The following ABCG2 variants were observed in gnomAD, a reference collection of about 807,000 sequenced individuals.
ABCG2 encodes the protein ATP binding cassette subfamily G member 2 (JR blood group), also known as broad substrate specificity ATP-binding cassette transporter ABCG2.
Under a neutral mutation model 73.5 loss-of-function variants are expected in ABCG2, and 80 were observed. That is an observed-to-expected ratio of 1.09 (90% confidence interval 0.91 to 1.31). The LOEUF (loss-of-function observed/expected upper bound fraction) is 1.31, where lower values mean the gene tolerates loss of function less well. Ranked by LOEUF, ABCG2 falls within the 50% of genes most tolerant of loss-of-function variation. ABCG2 has a pLI of 0.00. For synonymous variants in ABCG2, 269 were observed against 282.4 expected (o/e 0.95, Z 0.48); for missense variants, 796 against 786.2 (o/e 1.01, Z -0.15).
intron 1 of ABCG2, among the ~76,000 whole-genome samples, chr4:88,213,768 C>T (rs1002745599): frequency 2.0e-5 from 3 of 151,180 alleles, no homozygotes; most frequent in Non-Finnish European, 2.9e-5. Flanking sequence ...CTTCAACCTC[C>T]GCCTCCCGGA....
chr4:88,094,357 T>C (rs1281303284), intron 15 of ABCG2, among the ~76,000 whole-genome samples: 1 of 151,842 alleles, frequency 6.6e-6, no homozygotes, highest in Admixed American at 6.6e-5. Context: ...GTAAGAAACA[T>C]TGCTGCATGT....
At chr4:88,149,006 A>G (rs1328086718) in intron 1 of ABCG2, among the ~76,000 whole-genome samples, 1 of 152,192 alleles carries the variant, frequency 6.6e-6, no homozygotes, top group Non-Finnish European at 1.5e-5. Flanking sequence ...TTTTTCATTT[A>G]CATTCCCACA....
intron 5 of ABCG2, among the ~76,000 whole-genome samples, chr4:88,125,628 A>AAAAAC (rs1411406008): frequency 7.3e-5 from 11 of 149,760 alleles, no homozygotes; most frequent in Non-Finnish European, 1.3e-4. Flanking sequence ...AAAAAAAAAA[A>AAAAAC]AAAAAAAACT....
At chr4:88,117,076 C>A (rs1273335889) in intron 7 of ABCG2, among the ~76,000 whole-genome samples, 1 of 152,048 alleles carries the variant, frequency 6.6e-6, no homozygotes, top group East Asian at 1.9e-4. Flanking sequence ...ACCTGTAATC[C>A]CAACACTTTG....
At chr4:88,201,249 A>G (rs1423931629) in intron 1 of ABCG2, among the ~76,000 whole-genome samples, 1 of 151,438 alleles carries the variant, frequency 6.6e-6, no homozygotes, top group Non-Finnish European at 1.5e-5. Flanking sequence ...AATCACTAAT[A>G]TCAGAAATAA....
At chr4:88,177,163 G>C (rs1728025919) in intron 1 of ABCG2, among the ~76,000 whole-genome samples, 2 of 152,106 alleles carry the variant, frequency 1.3e-5, no homozygotes, top group Non-Finnish European at 2.9e-5. Flanking sequence ...GCAAGGTCAG[G>C]AGATCGAGAC....
At chr4:88,127,470 T>C (rs1724510970) in intron 5 of ABCG2, among the ~76,000 whole-genome samples, 1 of 151,964 alleles carries the variant, frequency 6.6e-6, no homozygotes, top group Admixed American at 6.6e-5. Flanking sequence ...GCCAAGACAA[T>C]CCTATGCAAA....
intron 1 of ABCG2, among the ~76,000 whole-genome samples, chr4:88,211,358 G>GCCCCCCCCCCCC (rs1264405228): frequency 1.5e-4 from 5 of 33,648 alleles, no homozygotes; most frequent in Non-Finnish European, 2.2e-4. Flanking sequence ...TTCAACCCCT[G>GCCCCCCCCCCCC]CCCCACCCCC....
intron 1 of ABCG2, among the ~76,000 whole-genome samples, chr4:88,175,701 A>G (rs1298582903): frequency 6.6e-6 from 1 of 152,228 alleles, no homozygotes; most frequent in Non-Finnish European, 1.5e-5. Context: ...AAGGCCCTTC[A>G]AATTGCCTTC....
chr4:88,204,510 C>T (rs1352853310), intron 1 of ABCG2, among the ~76,000 whole-genome samples: 1 of 152,154 alleles, frequency 6.6e-6, no homozygotes, highest in Non-Finnish European at 1.5e-5. Flanking sequence ...TGTTTAGGGT[C>T]CCATTTGGAC....
chr4:88,231,533 A>G (rs1050665960), upstream of ABCG2, among the ~76,000 whole-genome samples: 1 of 152,158 alleles, frequency 6.6e-6, no homozygotes, highest in Non-Finnish European at 1.5e-5. Context: ...CACAAACAGC[A>G]ACTTTATTTT....
intron 7 of ABCG2, among the ~76,000 whole-genome samples, chr4:88,116,533 C>CTTTTTTT (rs1211896196): frequency 4.5e-4 from 1 of 2,230 alleles, no homozygotes; most frequent in African/African-American, 4.8e-4. Context: ...TCACACATTT[C>CTTTTTTT]TTTTTTTTTT....
At chr4:88,110,394 T>C (rs1300327917) in intron 9 of ABCG2, among the ~76,000 whole-genome samples, 1 of 151,902 alleles carries the variant, frequency 6.6e-6, no homozygotes, top group African/African-American at 2.4e-5. Context: ...AATACAAAAA[T>C]TAGCTGGGCA....
At chr4:88,160,693 A>C (rs1033124658), upstream of ABCG2, among the ~76,000 whole-genome samples, 9 of 151,858 alleles carry the variant, frequency 5.9e-5, no homozygotes, top group African/African-American at 2.2e-4. Flanking sequence ...TACTAAAAAT[A>C]CAAAAATTAG....
In ABCG2 at chr4:88,095,628, A is replaced by G; in HGVS notation, c.1648-19T>C. The G allele has an allele frequency of 6.2e-7, 1 of 1,602,188 alleles. No individual in the cohort carries two copies. The highest frequency in any genetic ancestry group is 8.6e-7 in the Non-Finnish European group (1 of 1,169,414). On this transcript the variant is annotated intron_variant, in intron 13 of 15. Coordinates refer to ENST00000237612, the MANE Select transcript of ABCG2 (RefSeq NM_004827.3). ...AAAAAATCTACAAAAAGCAAATACT[A>G]AAAGTCAGGCCTGCTTGAGTAATTT...
intron 1 of ABCG2, among the ~76,000 whole-genome samples, chr4:88,221,851 A>C (rs1730023909): frequency 6.6e-6 from 1 of 152,142 alleles, no homozygotes; most frequent in Admixed American, 6.5e-5. Flanking sequence ...AGAAAAGAAA[A>C]CCCTTATTCT....
intron 1 of ABCG2, among the ~76,000 whole-genome samples, chr4:88,183,660 C>A (rs1160607708): frequency 6.6e-6 from 1 of 151,504 alleles, no homozygotes; most frequent in Non-Finnish European, 1.5e-5. Context: ...CCAATTCTAC[C>A]AAAACTATTC....
At chr4:88,205,884 T>C (rs1203025158) in intron 1 of ABCG2, among the ~76,000 whole-genome samples, 2 of 152,164 alleles carry the variant, frequency 1.3e-5, no homozygotes, top group Non-Finnish European at 2.9e-5. Flanking sequence ...GGTTTCCCCA[T>C]GTTGGCCAGG....
intron 1 of ABCG2, among the ~76,000 whole-genome samples, chr4:88,185,393 A>G (rs770056213): frequency 2.0e-5 from 3 of 152,212 alleles, no homozygotes; most frequent in Non-Finnish European, 2.9e-5. Flanking sequence ...CTATGAATCT[A>G]CTAAAAGAAC....
Sources: allele counts gnomAD v4.1 joint callset (sites outside exome capture counted in the v4.1 genomes callset), GRCh38; gene constraint gnomAD v4.1.1; transcripts MANE v1.5; gene names NCBI Gene and HGNC (gene_info 2026-07-23, HGNC 2026-07-21).